MAP3K20: variants seen among roughly 807,000 people sequenced by gnomAD.
MAP3K20 encodes the protein mitogen-activated protein kinase kinase kinase 20.
Under a neutral mutation model 85.7 loss-of-function variants are expected in MAP3K20, and 40 were observed. The observed-to-expected ratio is 0.47, with a 90% CI of 0.36 to 0.61. The LOEUF is 0.61. Among genes scored for constraint, MAP3K20 ranks in the 20% least tolerant of loss-of-function variants. The probability of loss-of-function intolerance (pLI) is 0.00; values close to 1 mark genes in which losing one functional copy is unlikely to be tolerated. For synonymous variants in MAP3K20, 325 were observed against 327.7 expected, an observed-to-expected ratio of 0.99 and a Z score of 0.09; for missense variants, 817 against 961.7, an observed-to-expected ratio of 0.85 and a Z score of 1.99.
In MAP3K20 at chr2:173,171,228, A is replaced by G. The variant is rs186423211; in HGVS notation, c.247+1336A>G. ...TTAAAGTTAAACCTTTCTCTGACCC[A>G]TATACCATGTGGCTCCTTTTTTCCG... On this transcript the variant is annotated intron_variant, in intron 3 of 19. Transcript: ENST00000375213. 5.3e-5 allele frequency among the ~76,000 whole-genome samples: 8 copies of G among 152,300 alleles called. No individual in the cohort carries two copies. The East Asian group carries it at 1.4e-3, about 26-fold the overall frequency.
chr2:173,241,023 A>T (rs1004418622), intron 16 of MAP3K20, among the ~76,000 whole-genome samples: 1 of 152,206 alleles, frequency 6.6e-6, no homozygotes, highest in Non-Finnish European at 1.5e-5. Context: ...AGAAAGACGG[A>T]AGCTAAAAAT....
At chr2:173,101,962 G>A (rs1431110445) in intron 2 of MAP3K20, among the ~76,000 whole-genome samples, 1 of 152,096 alleles carries the variant, frequency 6.6e-6, no homozygotes, top group Admixed American at 6.5e-5. Flanking sequence ...CTCTAGTTTG[G>A]AACAGCTTCT....
chr2:173,084,661 A>G (rs1323033018), intron 1 of MAP3K20, among the ~76,000 whole-genome samples: 3 of 152,228 alleles, frequency 2.0e-5, no homozygotes, highest in African/African-American at 4.8e-5. Flanking sequence ...GAGATATAAT[A>G]TAAAACAATT....
intron 2 of MAP3K20, among the ~76,000 whole-genome samples, chr2:173,119,073 C>A (rs1167034565): frequency 6.6e-6 from 1 of 152,172 alleles, no homozygotes; most frequent in Non-Finnish European, 1.5e-5. Context: ...TTAAAAGACT[C>A]TAAAGAATAT....
At chr2:173,109,062 T>C (rs1268175468) in intron 2 of MAP3K20, among the ~76,000 whole-genome samples, 1 of 152,238 alleles carries the variant, frequency 6.6e-6, no homozygotes. Context: ...ATGTCATTGA[T>C]GGCCCAGAAT....
intron 2 of MAP3K20, among the ~76,000 whole-genome samples, chr2:173,146,209 CAAA>C (rs951051874): frequency 6.6e-6 from 1 of 150,382 alleles, no homozygotes; most frequent in Non-Finnish European, 1.5e-5. Flanking sequence ...TTAGAAGAAA[CAAA>C]AAAGTTTCAG....
chr2:173,242,699 C>CCT (rs1326118951), intron 16 of MAP3K20, among the ~76,000 whole-genome samples: 1 of 80,976 alleles, frequency 1.2e-5, no homozygotes, highest in Non-Finnish European at 2.2e-5. Flanking sequence ...AGTAATCTTT[C>CCT]TTTTTTTTTT....
At chr2:173,264,981 C>T (rs1685380535) in intron 19 of MAP3K20, among the ~76,000 whole-genome samples, 1 of 152,276 alleles carries the variant, frequency 6.6e-6, no homozygotes. Flanking sequence ...GAACTAGAGG[C>T]TTAAAAATGG....
chr2:173,144,121 C>T (rs1003870350), intron 2 of MAP3K20, among the ~76,000 whole-genome samples: 8 of 151,680 alleles, frequency 5.3e-5, no homozygotes, highest in Non-Finnish European at 1.0e-4. Context: ...CATGGTGAAA[C>T]CCTGTCTCTA....
rs1405241141 is a variant in MAP3K20, at chr2:173,201,528, GAT to G, written c.670-2266_670-2265del. On this transcript the variant is annotated intron_variant, in intron 8 of 19. Coordinates refer to ENST00000375213, the MANE Select transcript of MAP3K20 (RefSeq NM_016653.3). ...TGTTCTTGACTATACTTTAGAAAAA[GAT>G]AAAAACTTGACTTAAAAAAAATTTT... 2.3e-4 allele frequency among the ~76,000 whole-genome samples: 35 copies of G among 152,132 alleles called. No homozygotes were observed. The East Asian group carries it at 6.6e-3, about 28-fold the overall frequency.
chr2:173,229,548 T>C (rs1343663170), intron 11 of MAP3K20, 141 bp from the exon 12 acceptor site: 3 of 970,000 alleles, frequency 3.1e-6, no homozygotes, highest in Non-Finnish European at 4.6e-6. Context: ...TCAGGAAAAC[T>C]GTTTTCCATT....
At chr2:173,143,299 A>C (rs1045921145) in intron 2 of MAP3K20, among the ~76,000 whole-genome samples, 1 of 152,232 alleles carries the variant, frequency 6.6e-6, no homozygotes, top group African/African-American at 2.4e-5. Flanking sequence ...TATAACAATC[A>C]TAAATGAATA....
intron 2 of MAP3K20, among the ~76,000 whole-genome samples, chr2:173,135,162 A>C (rs1333369943): frequency 6.6e-6 from 1 of 152,240 alleles, no homozygotes; most frequent in African/African-American, 2.4e-5. Context: ...AATATTGAAA[A>C]AAAGTTTCCG....
intron 2 of MAP3K20, among the ~76,000 whole-genome samples, chr2:173,093,673 A>G (rs1196180039): frequency 2.6e-5 from 4 of 152,212 alleles, no homozygotes; most frequent in South Asian, 2.1e-4. Context: ...TCATGCTGCT[A>G]TAAAGACACA....
At chr2:173,127,593 CCTTT>C (rs753608234) in intron 2 of MAP3K20, among the ~76,000 whole-genome samples, 1 of 152,048 alleles carries the variant, frequency 6.6e-6, no homozygotes, top group Non-Finnish European at 1.5e-5. Context: ...ATAAACCGAA[CCTTT>C]CTTCTTTCTT....
chr2:173,163,105 G>A (rs114533530), intron 2 of MAP3K20, among the ~76,000 whole-genome samples: 109 of 152,252 alleles, frequency 7.2e-4, no homozygotes, highest in African/African-American at 2.4e-3. Flanking sequence ...TACATAAATG[G>A]AATACAAAAG....
chr2:173,213,994 A>AAATT (rs1683993731), intron 10 of MAP3K20, among the ~76,000 whole-genome samples: 1 of 152,186 alleles, frequency 6.6e-6, no homozygotes, highest in Admixed American at 6.5e-5. Flanking sequence ...GTGTTTTAGT[A>AAATT]AATTAGAGTC....
At chr2:173,226,085 G>C (rs1368366603) in intron 11 of MAP3K20, 1 of 984,508 alleles carries the variant, frequency 1.0e-6, no homozygotes, top group Non-Finnish European at 1.2e-6. Context: ...AATGTTGAGG[G>C]TGGGTTTTTA....
chr2:173,240,203 T>A (rs1028862740), intron 16 of MAP3K20, among the ~76,000 whole-genome samples: 3 of 152,218 alleles, frequency 2.0e-5, no homozygotes, highest in African/African-American at 7.2e-5. Context: ...GTTACATGGC[T>A]AGCAAATAGC....
Sources: allele counts gnomAD v4.1 joint callset (sites outside exome capture counted in the v4.1 genomes callset), GRCh38; gene constraint gnomAD v4.1.1; transcripts MANE v1.5; gene names NCBI Gene and HGNC (gene_info 2026-07-23, HGNC 2026-07-21).